The following CLIC1 variants were observed in gnomAD, a reference collection of about 807,000 sequenced individuals.
CLIC1 encodes the protein chloride intracellular channel protein 1.
A neutral mutation model predicts 26.4 loss-of-function variants in CLIC1; 16 were observed. The observed-to-expected ratio is 0.61, with a 90% CI of 0.41 to 0.92. The LOEUF is 0.92. CLIC1 is among the 40% of genes least tolerant of loss of function. CLIC1 has a pLI of 0.00. For missense variants in CLIC1, 225 were observed against 289.7 expected, an observed-to-expected ratio of 0.78 and a Z score of 1.62; for synonymous variants, 98 against 120.8, an observed-to-expected ratio of 0.81 and a Z score of 1.24.
At chr6:31,735,085 C>T (rs1808236241) in intron 1 of CLIC1, among the ~76,000 whole-genome samples, 1 of 151,464 alleles carries the variant, frequency 6.6e-6, no homozygotes, top group Non-Finnish European at 1.5e-5. Flanking sequence ...CCTAAGGGGG[C>T]GGACCCAAGC....
chr6:31,736,550 G>A lies in CLIC1; in HGVS notation c.-250C>T, dbSNP rs549280099. Reference sequence around the variant, plus strand: ...TCAGAGAGCCGCTGACTCACCGACCGGCCCCGCCCTGAACCTGGGGAGGGG... The same window carrying A: ...TCAGAGAGCCGCTGACTCACCGACCAGCCCCGCCCTGAACCTGGGGAGGGG... On this transcript the variant is annotated 5_prime_UTR_variant, in exon 1 of 6. Coordinates refer to ENST00000375784, the Ensembl canonical transcript of CLIC1. This position sits in a 1 kb window ranked among gnomAD's most constrained non-coding sequence, Gnocchi z 5.0. The A allele has an allele frequency of 4.4e-6, 6 of 1,355,744 alleles. No individual in the cohort carries two copies. The highest frequency in any genetic ancestry group is 3.2e-5 in the Admixed American group (1 of 31,474). 84.0% of individuals were successfully genotyped at this position (1,355,744 alleles called of 1,614,324 possible). A position where few individuals can be genotyped will look rare whatever the true frequency, so the allele number is the denominator to read the frequency against.
At chr6:31,731,393 C>T (rs1254328683) in intron 5 of CLIC1, among the ~76,000 whole-genome samples, 2 of 152,160 alleles carry the variant, frequency 1.3e-5, no homozygotes, top group African/African-American at 4.8e-5. Flanking sequence ...CCTCCGCCTC[C>T]CGGGTTCAAG....
At position 31,730,830 on chromosome 6, in the gene CLIC1, C is replaced by G; in HGVS notation, c.*12G>C. On this transcript the variant is annotated 3_prime_UTR_variant, in exon 6 of 6. Coordinates refer to ENST00000375784, the Ensembl canonical transcript of CLIC1. This position sits in a 1 kb window ranked among gnomAD's most constrained non-coding sequence, Gnocchi z 5.1. ...AGAAAATGGAGGGGGTTGAGGGAGT[C>G]CCAGGAGGGGCTTATTTGAGGGCCT... is the stretch of plus-strand genomic sequence containing the variant. 1 of 1,612,812 alleles carries G rather than the reference C, an allele frequency of 6.2e-7. No individual in the cohort carries two copies. Among genetic ancestry groups the G allele is most frequent in the East Asian group, 2.2e-5 (1 of 44,876 alleles).
At chr6:31,735,865 T>C (rs1808299368) in intron 1 of CLIC1, among the ~76,000 whole-genome samples, 1 of 141,356 alleles carries the variant, frequency 7.1e-6, no homozygotes, top group Non-Finnish European at 1.5e-5. Flanking sequence ...CCTACTGCAC[T>C]ACTCACCCTC....
chr6:31,736,658 G>T, upstream of CLIC1: 2 of 1,121,066 alleles, frequency 1.8e-6, no homozygotes, highest in African/African-American at 1.6e-5. This position sits in a 1 kb window ranked among gnomAD's most constrained non-coding sequence, Gnocchi z 5.0. Context: ...GGGGATGGGG[G>T]TGTTAAGGAG....
Position 31,732,338 on chromosome 6 carries a change from A to AG in CLIC1, c.442dup (p.Leu148ProfsTer7), listed in dbSNP as rs1450186121. On this transcript the variant is annotated frameshift_variant, in exon 5 of 6. Transcript: ENST00000375784. LOFTEE classifies it high-confidence loss of function. The surrounding 1 kb of genome is among the most constrained non-coding windows in gnomAD (Gnocchi z 5.0). ...ACTGGTTTCATCCACTTCTTCTGGGAGGGGGGATGTTAAGTAATTGTCTAA... is the reference window on the plus strand; with the variant it reads ...ACTGGTTTCATCCACTTCTTCTGGGAGGGGGGGATGTTAAGTAATTGTCTAA... 6.3e-7 allele frequency: 1 copy of AG among 1,595,036 alleles called. No individual in the cohort carries two copies. The highest frequency in any genetic ancestry group is 8.5e-7 in the Non-Finnish European group (1 of 1,171,448).
Position 31,736,462 on chromosome 6 carries a change from C to T in CLIC1, c.-162G>A. 1.4e-6 allele frequency: 2 copies of T among 1,433,946 alleles called. No homozygotes were observed. Among genetic ancestry groups the T allele is most frequent in the Non-Finnish European group, 9.2e-7 (1 of 1,090,108 alleles). The allele number at this position is 1,433,946 out of a possible 1,614,324, so 88.8% of individuals were successfully genotyped here. ...AGACCTACTTGCACCCAAACTAGGC[C>T]TCCCCACCAGCCCAACGCACCCCAC... is the stretch of plus-strand genomic sequence containing the variant. On this transcript the variant is annotated 5_prime_UTR_variant, in exon 1 of 6. Coordinates refer to ENST00000375784, the Ensembl canonical transcript of CLIC1. This position sits in a 1 kb window ranked among gnomAD's most constrained non-coding sequence, Gnocchi z 5.0.
intron 5 of CLIC1, 75 bp from the exon 6 acceptor site, chr6:31,731,078 C>G: frequency 6.6e-6 from 9 of 1,359,150 alleles, no homozygotes; most frequent in Non-Finnish European, 9.2e-6. Context: ...TCTCCCCAGG[C>G]CGACATGATA....
At position 31,730,930 on chromosome 6, in the gene CLIC1, G is replaced by A; in HGVS notation, c.638C>T (p.Ala213Val). Residue 213 changes from alanine to valine, a missense_variant, in exon 6 of 6, where the codon GCC (alanine) becomes GTC (valine). Ala to Val is a moderately conservative substitution (Grantham distance 64). Coordinates refer to ENST00000375784, the Ensembl canonical transcript of CLIC1. This position sits in a 1 kb window ranked among gnomAD's most constrained non-coding sequence, Gnocchi z 5.1. ...GGAAGCGAATTCTTCCCGGGCGTAGGCATTGCTCAAGTACCGATGCACTCC... is the reference window on the plus strand; with the variant it reads ...GGAAGCGAATTCTTCCCGGGCGTAGACATTGCTCAAGTACCGATGCACTCC... 4.3e-6 allele frequency: 7 copies of A among 1,613,042 alleles called. No individual in the cohort carries two copies. The highest frequency in any genetic ancestry group is 5.9e-6 in the Non-Finnish European group (7 of 1,180,008).
At chr6:31,736,644 G>C, upstream of CLIC1, 1 of 1,165,492 alleles carries the variant, frequency 8.6e-7, no homozygotes. This position sits in a 1 kb window ranked among gnomAD's most constrained non-coding sequence, Gnocchi z 5.0. Flanking sequence ...ATCTCCCACA[G>C]GATGGGGATG....
At chr6:31,736,570 G>A (rs1171521202), upstream of CLIC1, 3 of 1,339,956 alleles carry the variant, frequency 2.2e-6, no homozygotes, top group Non-Finnish European at 2.9e-6. This position sits in a 1 kb window ranked among gnomAD's most constrained non-coding sequence, Gnocchi z 5.0. Context: ...TGAACCTGGG[G>A]AGGGGACTGG....
upstream of CLIC1, chr6:31,737,089 CT>C: frequency 2.5e-5 from 6 of 237,950 alleles, no homozygotes; most frequent in Non-Finnish European, 3.4e-5. Context: ...AGCACTAGGA[CT>C]TGCAGTCCTT....
In CLIC1 at chr6:31,732,251, T is replaced by C; in HGVS notation, c.530A>G (p.Asp177Gly). The C allele has an allele frequency of 6.3e-7, 1 of 1,578,902 alleles. No individual in the cohort carries two copies. The highest frequency in any genetic ancestry group is 8.6e-7 in the Non-Finnish European group (1 of 1,163,122). The change falls in exon 5 of 6, where the codon GAC becomes GGC. Residue 177 changes from aspartate (D) to glycine (G), a missense_variant. By Grantham distance (94) the Asp-to-Gly change is moderately conservative. Coordinates refer to ENST00000375784, the Ensembl canonical transcript of CLIC1. The surrounding 1 kb of genome is among the most constrained non-coding windows in gnomAD (Gnocchi z 5.0). Reference sequence around the variant, plus strand: ...GTGTAACTTTGGCAACAGGTTGCAGTCAGCCAGGGTGAGCTCGTTGCCATC... The same window carrying C: ...GTGTAACTTTGGCAACAGGTTGCAGCCAGCCAGGGTGAGCTCGTTGCCATC...
At position 31,730,610 on chromosome 6, in the gene CLIC1, T is replaced by C; in HGVS notation, c.*232A>G. On this transcript the variant is annotated 3_prime_UTR_variant, in exon 6 of 6. Coordinates refer to ENST00000375784, the Ensembl canonical transcript of CLIC1. The surrounding 1 kb of genome is among the most constrained non-coding windows in gnomAD (Gnocchi z 5.1). Reference sequence around the variant, plus strand: ...GTAAAAACACTTGATTTTTATTCTGTATTTTATTACTGAAATATGTTGTCC... The same window carrying C: ...GTAAAAACACTTGATTTTTATTCTGCATTTTATTACTGAAATATGTTGTCC... 1 of 545,862 alleles carries C rather than the reference T, an allele frequency of 1.8e-6. No individual in the cohort carries two copies. The highest frequency in any genetic ancestry group is 3.3e-6 in the Non-Finnish European group (1 of 306,780). The allele number at this position is 545,862 out of a possible 1,614,324, so 33.8% of individuals were successfully genotyped here.
chr6:31,736,904 G>A (rs73728978), upstream of CLIC1: 7,009 of 985,752 alleles, frequency 7.1e-3, 133 homozygotes, highest in African/African-American at 0.065. The surrounding 1 kb of genome is among the most constrained non-coding windows in gnomAD (Gnocchi z 5.0). Flanking sequence ...TGGGTTGCTG[G>A]GACTGTGGTC....
At chr6:31,731,595 C>T (rs1243705373) in intron 5 of CLIC1, among the ~76,000 whole-genome samples, 3 of 152,262 alleles carry the variant, frequency 2.0e-5, no homozygotes, top group Non-Finnish European at 4.4e-5. Context: ...AGCCACCACG[C>T]CCGGCCCATC....
chr6:31,734,222 G>A lies in CLIC1; in HGVS notation c.81C>T (p.Ser27=), dbSNP rs892877847. Residue 27 remains serine, a synonymous_variant, in exon 2 of 6, where the codon TCC becomes TCT. Coordinates refer to ENST00000375784, the Ensembl canonical transcript of CLIC1. This position sits in a 1 kb window ranked among gnomAD's most constrained non-coding sequence, Gnocchi z 5.3. The stretch of plus-strand genomic sequence containing the variant: ...GCCACAGTACCATGAACAGTCTCTG[G>A]GAGAATGGGCAGTTCCCAATCTTGG... 9 of 1,614,168 alleles carry A rather than the reference G, an allele frequency of 5.6e-6. No homozygotes were observed. The African/African-American group carries it at 9.3e-5, about 17-fold the overall frequency.
Position 31,736,270 on chromosome 6 carries a change from A to G in CLIC1, c.31T>C (p.Phe11Leu), listed in dbSNP as rs1442705167. Residue 11 changes from phenylalanine (F) to leucine (L), a missense_variant, in exon 1 of 6, where the codon TTC becomes CTC. Physicochemically the swap from Phe to Leu is conservative, Grantham distance 22. Transcript: ENST00000375784. This position sits in a 1 kb window ranked among gnomAD's most constrained non-coding sequence, Gnocchi z 5.0. Reference sequence around the variant, plus strand: ...GAGAGAAGTGTTCTTACCTTCACGAACAATTCGACCTGCGGTTGTTCTTCA... The same window carrying G: ...GAGAGAAGTGTTCTTACCTTCACGAGCAATTCGACCTGCGGTTGTTCTTCA... 6.2e-7 allele frequency: 1 copy of G among 1,612,684 alleles called. No homozygotes were observed. Among genetic ancestry groups the G allele is most frequent in the Non-Finnish European group, 8.5e-7 (1 of 1,179,884 alleles).
At position 31,732,660 on chromosome 6, in the gene CLIC1, C is replaced by T. The variant is rs1034243590; in HGVS notation, c.383-262G>A. ...TCCTAGATTCAAATGATTCTCCTGC[C>T]TCAGCCTCCTGAGTAGCTGGGATTA... On this transcript the variant is annotated intron_variant, in intron 4 of 5. Coordinates refer to ENST00000375784, the Ensembl canonical transcript of CLIC1. The surrounding 1 kb of genome is among the most constrained non-coding windows in gnomAD (Gnocchi z 5.0). 1.3e-5 allele frequency among the ~76,000 whole-genome samples: 2 copies of T among 152,006 alleles called. No homozygotes were observed. Among genetic ancestry groups the T allele is most frequent in the African/African-American group, 2.4e-5 (1 of 41,412 alleles).
Sources: gnomAD v4.1 joint callset for allele counts (sites outside exome capture counted in the v4.1 genomes callset) on GRCh38, gnomAD v4.1.1 for gene constraint, Gnocchi (gnomAD v3.1) non-coding constraint, MANE v1.5 for transcripts, NCBI Gene and HGNC (gene_info 2026-07-23, HGNC 2026-07-21) for gene names.